RGS6: variants seen among roughly 807,000 people sequenced by gnomAD.
The protein encoded by RGS6 is regulator of G-protein signaling 6.
RGS6 carries 30 observed loss-of-function variants against 78.5 expected under a neutral mutation model. The ratio of observed to expected loss-of-function variants is 0.38; its 90% CI spans 0.29 to 0.52. The LOEUF (loss-of-function observed/expected upper bound fraction) is 0.52. Among genes scored for constraint, RGS6 ranks in the 20% least tolerant of loss-of-function variants. The pLI, the probability that RGS6 is intolerant of heterozygous loss-of-function variation, is 0.85. For synonymous variants in RGS6, 206 were observed against 206.0 expected, an observed-to-expected ratio of 1.00 and a Z score of 0.00; for missense variants, 495 against 609.7, an observed-to-expected ratio of 0.81 and a Z score of 1.98.
intron 2 of RGS6, among the ~76,000 whole-genome samples, chr14:72,016,321 A>G (rs1163859730): frequency 6.6e-6 from 1 of 152,068 alleles, no homozygotes. Flanking sequence ...CACATTCCCA[A>G]ACACGTGTGA....
chr14:72,244,412 T>C (rs1194317960), intron 2 of RGS6, among the ~76,000 whole-genome samples: 1 of 152,216 alleles, frequency 6.6e-6, no homozygotes, highest in Non-Finnish European at 1.5e-5. Flanking sequence ...AGCCCATTAC[T>C]GTATGATGCT....
chr14:72,506,909 G>T (rs2096808246), intron 13 of RGS6, among the ~76,000 whole-genome samples: 1 of 148,980 alleles, frequency 6.7e-6, no homozygotes, highest in Admixed American at 6.8e-5. Flanking sequence ...AGCACTTTGG[G>T]AGGCCGAGGC....
intron 3 of RGS6, among the ~76,000 whole-genome samples, chr14:72,454,313 C>T (rs1232124007): frequency 1.3e-5 from 2 of 152,076 alleles, no homozygotes; most frequent in East Asian, 3.9e-4. Context: ...CCTGCATCAT[C>T]AGAAGTGAGT....
chr14:72,250,390 A>G (rs896802692), intron 2 of RGS6, among the ~76,000 whole-genome samples: 4 of 109,348 alleles, frequency 3.7e-5, no homozygotes, highest in African/African-American at 1.0e-4. Context: ...TTTTACATGT[A>G]AATACACCGA....
chr14:72,523,627 A>C (rs2097080555), intron 15 of RGS6, among the ~76,000 whole-genome samples: 1 of 152,146 alleles, frequency 6.6e-6, no homozygotes, highest in Non-Finnish European at 1.5e-5. Context: ...TCCTGTGGAA[A>C]TATTTCACAA....
At chr14:72,620,011 G>A in the RGS6 span, 8 of 1,513,762 alleles carry the variant, frequency 5.3e-6, no homozygotes, top group Non-Finnish European at 7.0e-6. Flanking sequence ...TAAGCACAGA[G>A]GAGGAGAGAT....
intron 2 of RGS6, among the ~76,000 whole-genome samples, chr14:72,216,208 CATTG>C (rs1243402975): frequency 6.6e-6 from 1 of 152,226 alleles, no homozygotes; most frequent in Non-Finnish European, 1.5e-5. Context: ...TAGTTTGTTT[CATTG>C]ACATGCTGCA....
At chr14:72,531,695 T>C (rs1399044876) in intron 15 of RGS6, among the ~76,000 whole-genome samples, 3 of 152,218 alleles carry the variant, frequency 2.0e-5, no homozygotes, top group Non-Finnish European at 2.9e-5. Flanking sequence ...AAAAGTTGTA[T>C]GTATTTATGG....
intron 1 of RGS6, among the ~76,000 whole-genome samples, chr14:71,953,969 GTTTTTTT>G (rs3053026): frequency 9.2e-5 from 7 of 76,086 alleles, no homozygotes; most frequent in African/African-American, 3.7e-4. Flanking sequence ...CTAAGTGGGC[GTTTTTTT>G]TTTTTTTTTT....
At chr14:72,527,043 G>A (rs1365818561) in intron 15 of RGS6, among the ~76,000 whole-genome samples, 2 of 152,204 alleles carry the variant, frequency 1.3e-5, no homozygotes. Flanking sequence ...CGCTTTACCA[G>A]GTTGGGACCT....
chr14:72,621,319 A>G, the RGS6 span, among the ~76,000 whole-genome samples: 1 of 152,128 alleles, frequency 6.6e-6, no homozygotes, highest in Non-Finnish European at 1.5e-5. Context: ...AGCTGCTCGG[A>G]AACTGTTTGT....
intron 3 of RGS6, among the ~76,000 whole-genome samples, chr14:72,426,684 C>T (rs1036821891): frequency 1.3e-5 from 2 of 152,216 alleles, no homozygotes; most frequent in African/African-American, 4.8e-5. Context: ...AACAGTTTGT[C>T]CCATCATATT....
chr14:72,395,194 CA>C (rs1287570490), intron 3 of RGS6, among the ~76,000 whole-genome samples: 82 of 152,208 alleles, frequency 5.4e-4, no homozygotes, highest in African/African-American at 1.9e-3. Flanking sequence ...TTAAAGGACT[CA>C]AGAGTTGCAG....
At chr14:72,627,714 G>C in the RGS6 span, among the ~76,000 whole-genome samples, 3 of 152,038 alleles carry the variant, frequency 2.0e-5, no homozygotes, top group Non-Finnish European at 4.4e-5. Context: ...TATTGGACCT[G>C]AGATAAATTT....
the RGS6 span, among the ~76,000 whole-genome samples, chr14:72,578,757 G>T: frequency 6.6e-6 from 1 of 152,238 alleles, no homozygotes; most frequent in African/African-American, 2.4e-5. Context: ...TGGAATTCTG[G>T]GGGCCAAGAA....
chr14:72,367,650 T>G (rs1173649906), intron 3 of RGS6, among the ~76,000 whole-genome samples: 1 of 152,252 alleles, frequency 6.6e-6, no homozygotes, highest in Admixed American at 6.5e-5. Context: ...TTAACACATT[T>G]TTTTATGAAT....
intron 14 of RGS6, among the ~76,000 whole-genome samples, chr14:72,510,725 G>A (rs2096868238): frequency 6.6e-6 from 1 of 152,170 alleles, no homozygotes; most frequent in Admixed American, 6.5e-5. Context: ...ATTTCAAAGA[G>A]CAAAGTAAAT....
chr14:72,087,437 C>CAT (rs551060263), intron 2 of RGS6, among the ~76,000 whole-genome samples: 362 of 151,276 alleles, frequency 2.4e-3, no homozygotes, highest in African/African-American at 7.5e-3. Context: ...GGCCGAAATG[C>CAT]ATATATATAT....
At chr14:72,518,955 G>A (rs907140072) in intron 15 of RGS6, among the ~76,000 whole-genome samples, 35 of 152,208 alleles carry the variant, frequency 2.3e-4, no homozygotes, top group Admixed American at 2.0e-4. Context: ...CACTGCTTCC[G>A]CAGTGATCTC....
Sources: allele counts gnomAD v4.1 joint callset (sites outside exome capture counted in the v4.1 genomes callset), GRCh38; gene constraint gnomAD v4.1.1; transcripts MANE v1.5; gene names NCBI Gene and HGNC (gene_info 2026-07-23, HGNC 2026-07-21).